Variants in PHC2 observed in about 807,000 individuals in gnomAD.
PHC2 encodes polyhomeotic-like protein 2.
In PHC2, 29 loss-of-function variants were observed where a neutral mutation model predicts 87.4. The observed-to-expected ratio is 0.33, with a 90% confidence interval of 0.25 to 0.45. The LOEUF (loss-of-function observed/expected upper bound fraction) is 0.45, where lower values mean the gene tolerates loss of function less well. Among genes scored for constraint, PHC2 ranks in the 20% least tolerant of loss-of-function variants. PHC2 has a pLI of 1.00. For missense variants in PHC2, 857 were observed against 1,136.7 expected (o/e 0.75, Z 3.54); for synonymous variants, 438 against 461.7 (o/e 0.95, Z 0.66).
chr1:33,374,894 G>A (rs754819830), intron 2 of PHC2, among the ~76,000 whole-genome samples: 1 of 152,194 alleles, frequency 6.6e-6, no homozygotes, highest in Non-Finnish European at 1.5e-5. Flanking sequence ...GTAGTGCATG[G>A]CCCTGACTGC....
chr1:33,340,874 C>G (rs1257237987), intron 9 of PHC2, among the ~76,000 whole-genome samples: 2 of 140,972 alleles, frequency 1.4e-5, no homozygotes, highest in East Asian at 4.1e-4. Flanking sequence ...GTGAATTACT[C>G]GACTCAGATA....
chr1:33,413,377 T>G (rs1453843356), intron 1 of PHC2, among the ~76,000 whole-genome samples: 1 of 152,190 alleles, frequency 6.6e-6, no homozygotes, highest in Non-Finnish European at 1.5e-5. Context: ...TATCTAACAC[T>G]GAAGTATTGA....
chr1:33,382,598 C>G lies in PHC2; in HGVS notation c.-54-7005G>C, dbSNP rs1351309242. On this transcript the variant is annotated intron_variant, in intron 1 of 14. Transcript: ENST00000683057. This position sits in a 1 kb window ranked among gnomAD's most constrained non-coding sequence, Gnocchi z 4.3. ...ACTCACTGTGTGGTTTTGTATGAGC[C>G]CGGGCTCTGAAGGGCTATGATTCCT... Among the ~76,000 whole-genome samples, 5 of 152,060 alleles carry G rather than the reference C, an allele frequency of 3.3e-5. No individual in the cohort carries two copies. The highest frequency in any genetic ancestry group is 2.0e-4 in the Admixed American group (3 of 15,260).
chr1:33,335,352 G>C (rs933324192), intron 9 of PHC2: 58 of 985,014 alleles, frequency 5.9e-5, no homozygotes, highest in Non-Finnish European at 6.9e-5. Flanking sequence ...CCTTTAACCT[G>C]GAACTTCCTA....
rs2148317929 is a variant in PHC2, at chr1:33,367,187, C to T, written c.905G>A (p.Gly302Glu). 1 of 1,614,222 alleles carries T rather than the reference C, an allele frequency of 6.2e-7. No individual in the cohort carries two copies. ...GAGCCCAGCCCGGCCTTCCATGCTC[C>T]CTGGCACACTGCTGTTGCCATCTCC... is the stretch of plus-strand genomic sequence containing the variant. ...KKGDGNSSVP[G>E]SMEGRAGLSR... The change falls in exon 7 of 15, where the codon GGG (glycine) becomes GAG (glutamate). Residue 302 changes from glycine (G) to glutamate (E), a missense_variant. By Grantham distance (98) the Gly-to-Glu change is moderately conservative (BLOSUM62 -2). Around this residue, in one of 3 missense-constraint regions of PHC2, gnomAD observed 832 missense variants for 1,081.8 expected, o/e 0.77. Coordinates refer to ENST00000683057, the MANE Select transcript of PHC2 (RefSeq NM_001385109.1).
rs1258493683 is a variant in PHC2, at chr1:33,351,538, T to C, written c.1558+2863A>G. On this transcript the variant is annotated intron_variant, in intron 9 of 14. Coordinates refer to ENST00000683057, the MANE Select transcript of PHC2 (RefSeq NM_001385109.1). ...GCATTTTACTTTCTATTGTAATTTT[T>C]TTCCTGTGCATTTTTCATCGTTTCA... 2.6e-5 allele frequency among the ~76,000 whole-genome samples: 4 copies of C among 152,224 alleles called. No individual in the cohort carries two copies. The East Asian group carries it at 7.7e-4, about 29-fold the overall frequency.
At chr1:33,361,050 G>A (rs1170375472) in intron 7 of PHC2, among the ~76,000 whole-genome samples, 1 of 152,236 alleles carries the variant, frequency 6.6e-6, no homozygotes, top group Non-Finnish European at 1.5e-5. Flanking sequence ...CAACAAAAAG[G>A]GATTGTTAAC....
At chr1:33,425,994 AGGACTT>A (rs1310299161) in intron 1 of PHC2, among the ~76,000 whole-genome samples, 1 of 152,230 alleles carries the variant, frequency 6.6e-6, no homozygotes. Flanking sequence ...TGGTTGGCGT[AGGACTT>A]GGTCAAGTGG....
chr1:33,374,764 C>T (rs1406718673), intron 2 of PHC2, among the ~76,000 whole-genome samples: 2 of 152,144 alleles, frequency 1.3e-5, no homozygotes, highest in African/African-American at 4.8e-5. Context: ...CCTGAATGAC[C>T]TTGAACAAGT....
intron 7 of PHC2, chr1:33,363,199 C>T (rs530135878): frequency 3.1e-4 from 47 of 152,328 alleles, no homozygotes; most frequent in Admixed American, 2.7e-3. Flanking sequence ...CACACAGGCT[C>T]GTACACACAA....
Position 33,369,174 on chromosome 1 carries a change from G to A in PHC2, c.577-552C>T, listed in dbSNP as rs1015951333. On this transcript the variant is annotated intron_variant, in intron 5 of 14. Coordinates refer to ENST00000683057, the MANE Select transcript of PHC2 (RefSeq NM_001385109.1). This position sits in a 1 kb window ranked among gnomAD's most constrained non-coding sequence, Gnocchi z 4.7. ...GAGGGGCCTAGAGACAACAACAGCA[G>A]AGGAAGCGGACCGCCTGGAGCCGTC... Among the ~76,000 whole-genome samples the A allele has an allele frequency of 6.6e-6, 1 of 152,244 alleles. No individual in the cohort carries two copies. The highest frequency in any genetic ancestry group is 2.4e-5 in the African/African-American group (1 of 41,468).
intron 1 of PHC2, among the ~76,000 whole-genome samples, chr1:33,411,450 T>TTTGTTG (rs894110212): frequency 6.6e-6 from 1 of 151,126 alleles, no homozygotes; most frequent in African/African-American, 2.4e-5. Flanking sequence ...ATCTCTGTTT[T>TTTGTTG]TTGTTGTTGT....
At chr1:33,366,198 G>A (rs1647437967) in intron 7 of PHC2, among the ~76,000 whole-genome samples, 1 of 152,228 alleles carries the variant, frequency 6.6e-6, no homozygotes, top group Non-Finnish European at 1.5e-5. Flanking sequence ...GAGGACTGAG[G>A]TTAGTGGTTG....
chr1:33,328,443 T>C (rs1646419520), intron 14 of PHC2, among the ~76,000 whole-genome samples: 1 of 149,422 alleles, frequency 6.7e-6, no homozygotes, highest in South Asian at 2.1e-4. Context: ...CTCAAACTCC[T>C]GACCTCACGC....
chr1:33,354,258 A>G, intron 9 of PHC2, 143 bp downstream of exon 9: 1 of 703,256 alleles, frequency 1.4e-6, no homozygotes, highest in Non-Finnish European at 2.4e-6. Context: ...ATCTTCTCAC[A>G]TCCCTCCTCT....
chr1:33,400,633 A>C (rs1072585), intron 1 of PHC2, among the ~76,000 whole-genome samples: 109,031 of 152,090 alleles, frequency 0.72, 39,865 homozygotes, highest in African/African-American at 0.86. Flanking sequence ...GGTGTCAGAG[A>C]AGGATTCCGG....
rs200490191 is a variant in PHC2 at position 33,332,420 on chromosome 1, C to T, written c.1762-16G>A. On this transcript the variant is annotated splice_polypyrimidine_tract_variant and intron_variant, in intron 10 of 14. Coordinates refer to ENST00000683057, the MANE Select transcript of PHC2 (RefSeq NM_001385109.1). This position sits in a 1 kb window ranked among gnomAD's most constrained non-coding sequence, Gnocchi z 4.2. ...AGCGTCCCACCTAGAGGACAGGTAA[C>T]ACGGAGGCCGTGAGGGTCAGGTGGG... is the stretch of plus-strand genomic sequence containing the variant. The T allele has an allele frequency of 5.6e-6, 9 of 1,614,116 alleles. No homozygotes were observed. The Admixed American group carries it at 6.7e-5, about 12-fold the overall frequency.
intron 1 of PHC2, among the ~76,000 whole-genome samples, chr1:33,420,617 C>T (rs566379643): frequency 3.3e-4 from 50 of 149,412 alleles, no homozygotes; most frequent in African/African-American, 9.8e-4. Flanking sequence ...TATTTCACCT[C>T]TTTTTTTTTT....
intron 1 of PHC2, among the ~76,000 whole-genome samples, chr1:33,402,147 CTTGAA>C (rs1439129123): frequency 6.6e-6 from 1 of 152,112 alleles, no homozygotes; most frequent in Non-Finnish European, 1.5e-5. Flanking sequence ...GGGCATCACA[CTTGAA>C]TTGAATTTTC....
Sources: gnomAD v4.1 joint callset for allele counts (sites outside exome capture counted in the v4.1 genomes callset) on GRCh38, gnomAD v4.1.1 for gene constraint, gnomAD v4.1.1 regional missense constraint, Gnocchi (gnomAD v3.1) non-coding constraint, MANE v1.5 for transcripts, NCBI Gene and HGNC (gene_info 2026-07-23, HGNC 2026-07-21) for gene names.